The following PRPF6 variants were observed in gnomAD, a reference collection of about 807,000 sequenced individuals.
PRPF6 encodes pre-mRNA-processing factor 6.
PRPF6 carries 42 observed loss-of-function variants against 118.3 expected under a neutral mutation model. That is an observed-to-expected ratio of 0.35 (90% CI 0.28 to 0.46). The LOEUF is 0.46. PRPF6 is among the 20% of genes least tolerant of loss of function. The probability of loss-of-function intolerance (pLI) is 1.00; values close to 1 mark genes in which losing one functional copy is unlikely to be tolerated. For missense variants in PRPF6, 662 were observed against 1,255.7 expected (o/e 0.53, Z 7.15); for synonymous variants, 481 against 485.1 (o/e 0.99, Z 0.11).
chr20:63,996,245 A>C (rs1435827926), intron 6 of PRPF6, among the ~76,000 whole-genome samples: 2 of 152,178 alleles, frequency 1.3e-5, no homozygotes, highest in Non-Finnish European at 2.9e-5. Context: ...AGGCTAAGGC[A>C]GGAGAATTGC....
rs758578727 is a variant in PRPF6, at chr20:63,999,080, C to T, written c.807C>T (p.Asp269=). ...SDSVSGQTVV[D]PKGYLTDLNS... is the part of the protein sequence containing the mutation. ...CCGTGAGTGGACAGACCGTCGTTGA[C>T]CCCAAAGGCTACCTGACGGATTTAA... The change falls in exon 7 of 21, where the codon GAC becomes GAT. Residue 269 remains aspartate, a synonymous_variant. Transcript: ENST00000266079. 1.9e-6 allele frequency: 3 copies of T among 1,613,904 alleles called. No homozygotes were observed. Among genetic ancestry groups the T allele is most frequent in the Non-Finnish European group, 2.5e-6 (3 of 1,179,934 alleles).
rs112156042 is a variant in PRPF6 at position 64,025,458 on chromosome 20, G to T, written c.1909-481G>T. Among the ~76,000 whole-genome samples, 1,154 of 152,310 alleles carry T rather than the reference G, an allele frequency of 7.6e-3. 12 individuals carry two copies. Among genetic ancestry groups the T allele is most frequent in the African/African-American group, 0.026 (1,077 of 41,546 alleles). Reference sequence around the variant, plus strand: ...TGGGCTGTGTGAGCTTCCGTGGCTTGTGGACGCCTTCTCCACATGTCAGTG... The same window carrying T: ...TGGGCTGTGTGAGCTTCCGTGGCTTTTGGACGCCTTCTCCACATGTCAGTG... On this transcript the variant is annotated intron_variant, in intron 14 of 20. Coordinates refer to ENST00000266079, the MANE Select transcript of PRPF6 (RefSeq NM_012469.4).
intron 4 of PRPF6, among the ~76,000 whole-genome samples, chr20:63,994,318 C>G (rs377329057): frequency 6.6e-6 from 1 of 152,010 alleles, no homozygotes. Flanking sequence ...CCACCATGCC[C>G]GGCTAATTTT....
chr20:64,021,988 CTGTGTGTGTG>C (rs111363019), intron 12 of PRPF6, among the ~76,000 whole-genome samples: 12 of 135,834 alleles, frequency 8.8e-5, no homozygotes, highest in African/African-American at 2.6e-4. Context: ...GGCCACAGCC[CTGTGTGTGTG>C]TGTGTGTGTG....
intron 2 of PRPF6, among the ~76,000 whole-genome samples, chr20:63,984,261 C>G (rs776034541): frequency 2.0e-5 from 3 of 151,970 alleles, no homozygotes; most frequent in Non-Finnish European, 4.4e-5. Context: ...TCTACTAAAA[C>G]TACACAAAAA....
chr20:64,008,319 G>A (rs114082865), intron 9 of PRPF6, among the ~76,000 whole-genome samples: 71 of 152,314 alleles, frequency 4.7e-4, no homozygotes, highest in African/African-American at 1.6e-3. Flanking sequence ...TGCAGCCTGT[G>A]AGATTGTTTC....
At position 64,027,341 on chromosome 20, in the gene PRPF6, A is replaced by T. The variant is rs980569848; in HGVS notation, c.2205+183A>T. On this transcript the variant is annotated intron_variant, in intron 16 of 20. Transcript: ENST00000266079. This position sits in a 1 kb window ranked among gnomAD's most constrained non-coding sequence, Gnocchi z 6.5. ...CTCGCTGAGTTCTGTGCTTTTCCTTATATGAAGCTGCACACACTGCTCAGA... is the reference window on the plus strand; with the variant it reads ...CTCGCTGAGTTCTGTGCTTTTCCTTTTATGAAGCTGCACACACTGCTCAGA... Among the ~76,000 whole-genome samples, 6 of 152,106 alleles carry T rather than the reference A, an allele frequency of 3.9e-5. No individual in the cohort carries two copies. Among genetic ancestry groups the T allele is most frequent in the Non-Finnish European group, 7.4e-5 (5 of 68,026 alleles).
At chr20:63,981,358 C>T (rs756117623) in intron 1 of PRPF6, 42 bp downstream of exon 1, 5 of 1,534,616 alleles carry the variant, frequency 3.3e-6, no homozygotes, top group South Asian at 1.2e-5. Flanking sequence ...GACCCGGCTA[C>T]AGGAGCGCAG....
chr20:64,005,114 A>C lies in PRPF6; in HGVS notation c.1186+3875A>C, dbSNP rs533784930. Among the ~76,000 whole-genome samples, 11 of 152,194 alleles carry C rather than the reference A, an allele frequency of 7.2e-5. No individual in the cohort carries two copies. In the South Asian group the frequency reaches 2.3e-3, roughly 32 times the overall value. ...TGTGCTTCCTCCACTTCTGCTCATA[A>C]AGTCACACTCCTTGAAGGCCATTGT... On this transcript the variant is annotated intron_variant, in intron 9 of 20. Transcript: ENST00000266079.
chr20:64,025,462 A>T lies in PRPF6; in HGVS notation c.1909-477A>T, dbSNP rs573595514. Among the ~76,000 whole-genome samples, 12 of 152,132 alleles carry T rather than the reference A, an allele frequency of 7.9e-5. No homozygotes were observed. The South Asian group carries it at 8.3e-4, about 11-fold the overall frequency. On this transcript the variant is annotated intron_variant, in intron 14 of 20. Transcript: ENST00000266079. ...CTGTGTGAGCTTCCGTGGCTTGTGG[A>T]CGCCTTCTCCACATGTCAGTGGCAC...
rs1569226380 is a variant in PRPF6, at chr20:64,029,273, C to T, written c.2432-104C>T. On this transcript the variant is annotated intron_variant, in intron 18 of 20. Transcript: ENST00000266079. The surrounding 1 kb of genome is among the most constrained non-coding windows in gnomAD (Gnocchi z 4.8). ...TCTGCGAGCCGTGTGTGGGAGGCCC[C>T]TGTCGTGGTCTGAGGACGTCCCGGG... The T allele has an allele frequency of 6.2e-6, 6 of 970,126 alleles. 1 individual carries two copies. In the South Asian group the frequency reaches 7.7e-5, roughly 13 times the overall value. 60.1% of individuals were successfully genotyped at this position (970,126 alleles called of 1,614,324 possible).
intron 8 of PRPF6, among the ~76,000 whole-genome samples, 182 bp from the exon 9 acceptor site, chr20:64,000,895 T>C (rs1316609668): frequency 6.6e-6 from 1 of 152,148 alleles, no homozygotes; most frequent in Non-Finnish European, 1.5e-5. Context: ...AGACATATGG[T>C]AGCCATGTTC....
At chr20:64,006,885 A>T (rs79903757) in intron 9 of PRPF6, among the ~76,000 whole-genome samples, 12 of 152,330 alleles carry the variant, frequency 7.9e-5, no homozygotes, top group Non-Finnish European at 1.5e-4. Flanking sequence ...GTGAATTCAT[A>T]TAGCTTCGTC....
Position 64,033,004 on chromosome 20 carries a change from G to A in PRPF6, c.*11G>A. 2 of 1,613,104 alleles carry A rather than the reference G, an allele frequency of 1.2e-6. No individual in the cohort carries two copies. The highest frequency in any genetic ancestry group is 1.7e-6 in the Non-Finnish European group (2 of 1,180,008). On this transcript the variant is annotated 3_prime_UTR_variant, in exon 21 of 21. Transcript: ENST00000266079. ...AAGAACACCTTCTGATTGAGCGGTT[G>A]CCATGGCCGGTCTCCGTGGGGCAGG... is the stretch of plus-strand genomic sequence containing the variant.
At chr20:64,000,881 A>G (rs1263325911) in intron 8 of PRPF6, among the ~76,000 whole-genome samples, 196 bp from the exon 9 acceptor site, 1 of 152,154 alleles carries the variant, frequency 6.6e-6, no homozygotes, top group Non-Finnish European at 1.5e-5. Flanking sequence ...GGTGTTCTTC[A>G]GTCAGACATA....
chr20:63,998,060 G>T (rs188106220), intron 6 of PRPF6, among the ~76,000 whole-genome samples: 8 of 152,246 alleles, frequency 5.3e-5, no homozygotes, highest in Non-Finnish European at 1.2e-4. Flanking sequence ...ATTTGTCAGA[G>T]ACCCTGCTTT....
intron 10 of PRPF6, among the ~76,000 whole-genome samples, chr20:64,010,659 G>C (rs1033947027): frequency 6.6e-6 from 1 of 152,226 alleles, no homozygotes; most frequent in African/African-American, 2.4e-5. Flanking sequence ...CAGCGTGATA[G>C]AAAACATTGC....
At chr20:64,031,544 A>G (rs2059313580) in intron 19 of PRPF6, among the ~76,000 whole-genome samples, 1 of 151,972 alleles carries the variant, frequency 6.6e-6, no homozygotes, top group Admixed American at 6.6e-5. Flanking sequence ...GTGGTGGCGC[A>G]TGCCTGTAAT....
rs376960289 is a variant in PRPF6, at chr20:64,008,983, T to C, written c.1187-1217T>C. Among the ~76,000 whole-genome samples, 3 of 152,122 alleles carry C rather than the reference T, an allele frequency of 2.0e-5. No individual in the cohort carries two copies. In the East Asian group the frequency reaches 5.8e-4, roughly 29 times the overall value. On this transcript the variant is annotated intron_variant, in intron 9 of 20. Transcript: ENST00000266079. ...AGGTATTTTTATTTAAGGGAAAACA[T>C]GTAATAATGAGGTATTTTAGGTCGG...
Sources: allele counts gnomAD v4.1 joint callset (sites outside exome capture counted in the v4.1 genomes callset), GRCh38; gene constraint gnomAD v4.1.1; non-coding constraint Gnocchi (gnomAD v3.1); transcripts MANE v1.5; gene names NCBI Gene and HGNC (gene_info 2026-07-23, HGNC 2026-07-21).